The following TCN2 variants were observed in gnomAD, a reference collection of about 807,000 sequenced individuals.
TCN2 encodes transcobalamin-2.
TCN2 carries 34 observed loss-of-function variants against 48.6 expected under a neutral mutation model. The ratio of observed to expected loss-of-function variants is 0.70; its 90% confidence interval spans 0.53 to 0.93. TCN2 has a LOEUF of 0.93. TCN2 is among the 40% of genes least tolerant of loss of function. TCN2 has a pLI of 0.00. For missense variants in TCN2, 652 were observed against 526.1 expected (o/e 1.24, Z -2.34); for synonymous variants, 283 against 212.5 (o/e 1.33, Z -2.89).
Position 30,626,531 on chromosome 22 carries a change from TCCC to T in TCN2, c.*11_*13del. 1 of 1,613,868 alleles carries T rather than the reference TCCC, an allele frequency of 6.2e-7. No homozygotes were observed. Among genetic ancestry groups the T allele is most frequent in the Non-Finnish European group, 8.5e-7 (1 of 1,179,950 alleles). On this transcript the variant is annotated 3_prime_UTR_variant, in exon 9 of 9. Transcript: ENST00000215838. ...GCTGGTTAGCTGGTAGCCCCTGAGC[TCCC>T]TCATCCCAGCAGCCTCGCACACTCC...
chr22:30,615,746 C>A lies in TCN2; in HGVS notation c.899C>A (p.Thr300Asn). Residue 300 changes from threonine to asparagine, a missense_variant, in exon 6 of 9, where the codon ACC (threonine) becomes AAC (asparagine). Coordinates refer to ENST00000215838, the MANE Select transcript of TCN2 (RefSeq NM_000355.4). ...SQLLPVLNHK[T>N]YIDLIFPDCL... ...CTGCTGCCCGTTCTGAACCACAAGA[C>A]CTACATTGATCTGATCTTCCCAGAC... 2 of 1,614,214 alleles carry A rather than the reference C, an allele frequency of 1.2e-6. No individual in the cohort carries two copies. The highest frequency in any genetic ancestry group is 1.7e-6 in the Non-Finnish European group (2 of 1,180,048).
chr22:30,617,118 G>T (rs1179612925), intron 6 of TCN2, among the ~76,000 whole-genome samples: 1 of 151,328 alleles, frequency 6.6e-6, no homozygotes, highest in Non-Finnish European at 1.5e-5. Context: ...AGGGACAGGG[G>T]AGGCCGGGAT....
At position 30,626,605 on chromosome 22, in the gene TCN2, C is replaced by A. The variant is rs1385676834; in HGVS notation, c.*84C>A. ...CTGATGTCCCTGGAACAGGAACTCG[C>A]CTGACCCTGCTGCCACCTCCTGTGC... On this transcript the variant is annotated 3_prime_UTR_variant, in exon 9 of 9. Coordinates refer to ENST00000215838, the MANE Select transcript of TCN2 (RefSeq NM_000355.4). 1.3e-5 allele frequency: 19 copies of A among 1,474,386 alleles called. No individual in the cohort carries two copies. Among genetic ancestry groups the A allele is most frequent in the Middle Eastern group, 2.2e-4 (1 of 4,546 alleles). The allele number at this position is 1,474,386 out of a possible 1,614,324, so 91.3% of individuals were successfully genotyped here.
At position 30,615,305 on chromosome 22, in the gene TCN2, A is replaced by G. The variant is rs1429024693; in HGVS notation, c.585A>G (p.Thr195=). ...PFHQGHHSVD[T]AAMAGLAFTC... is the part of the protein sequence containing the mutation. ...TGTTCTGTCCCCCACTTCAAGACAC[A>G]GCAGCCATGGCAGGCTTGGCATTCA... The change falls in exon 5 of 9, where the codon ACA becomes ACG. Residue 195 remains threonine (T), a synonymous_variant. Coordinates refer to ENST00000215838, the MANE Select transcript of TCN2 (RefSeq NM_000355.4). 2.5e-6 allele frequency: 4 copies of G among 1,614,066 alleles called. No homozygotes were observed. Among genetic ancestry groups the G allele is most frequent in the Non-Finnish European group, 3.4e-6 (4 of 1,180,040 alleles).
chr22:30,622,834 GT>G, intron 7 of TCN2, 133 bp from the exon 8 acceptor site: 1 of 863,986 alleles, frequency 1.2e-6, no homozygotes, highest in South Asian at 1.4e-5. Context: ...CTGTGGCCAG[GT>G]GGCCTGGGAA....
At chr22:30,611,205 A>G (rs139048626) in intron 2 of TCN2, 142 bp downstream of exon 2, 189 of 995,074 alleles carry the variant, frequency 1.9e-4, no homozygotes, top group Middle Eastern at 6.2e-4. Context: ...ACCTTTGTCC[A>G]TCTATAGAAT....
rs753858269 is a variant in TCN2, at chr22:30,613,055, C to A, written c.427+13C>A. The A allele has an allele frequency of 6.2e-7, 1 of 1,613,512 alleles. No individual in the cohort carries two copies. The highest frequency in any genetic ancestry group is 2.2e-5 in the East Asian group (1 of 44,858). The stretch of plus-strand genomic sequence containing the variant: ...AAGAGAGCCATTGGTGAGCAGACAC[C>A]ATCCGCTGGGGGTGGGGAGCAGCTG... On this transcript the variant is annotated intron_variant, in intron 3 of 8. Transcript: ENST00000215838.
Position 30,627,094 on chromosome 22 carries a change from C to T in TCN2, c.*573C>T, listed in dbSNP as rs1569049275. On this transcript the variant is annotated 3_prime_UTR_variant, in exon 9 of 9. Coordinates refer to ENST00000215838, the MANE Select transcript of TCN2 (RefSeq NM_000355.4). ...CCTGGTGCCTCATACTCCTCAGGTG[C>T]AGGGGCAGGGACAAGAGAAGGGGGA... 5.9e-6 allele frequency: 1 copy of T among 170,414 alleles called. No homozygotes were observed. The allele number at this position is 170,414 out of a possible 1,614,324, so 10.6% of individuals were successfully genotyped here. A position where few individuals can be genotyped will look rare whatever the true frequency, so the allele number is the denominator to read the frequency against.
At position 30,607,208 on chromosome 22, in the gene TCN2, T is replaced by C; in HGVS notation, c.-124T>C. ...GCCGTGCATTGCAGGCATGGAGGAT[T>C]AATCAGTGACAGGAAGCTGCGTCTC... On this transcript the variant is annotated 5_prime_UTR_variant, in exon 1 of 9. An upstream open reading frame in the 5' UTR loses its in-frame stop. Coordinates refer to ENST00000215838, the MANE Select transcript of TCN2 (RefSeq NM_000355.4). 9.4e-7 allele frequency: 1 copy of C among 1,059,316 alleles called. No individual in the cohort carries two copies. Among genetic ancestry groups the C allele is most frequent in the Admixed American group, 1.7e-5 (1 of 59,034 alleles). The allele number at this position is 1,059,316 out of a possible 1,614,324, so 65.6% of individuals were successfully genotyped here.
intron 4 of TCN2, among the ~76,000 whole-genome samples, chr22:30,614,725 G>T (rs1021440919): frequency 2.6e-5 from 4 of 152,060 alleles, no homozygotes; most frequent in African/African-American, 9.7e-5. Flanking sequence ...TCAAGACAAC[G>T]TGGTGAAACC....
chr22:30,610,445 G>T (rs1294083936), intron 1 of TCN2: 1 of 378,002 alleles, frequency 2.6e-6, no homozygotes, highest in Non-Finnish European at 5.2e-6. Flanking sequence ...TGGCTCTGCA[G>T]CCTTGTGTAA....
chr22:30,623,825 C>CATATAT (rs869188373), intron 8 of TCN2, among the ~76,000 whole-genome samples: 6 of 15,966 alleles, frequency 3.8e-4, no homozygotes, highest in South Asian at 9.4e-4. Flanking sequence ...CACACACATA[C>CATATAT]ACACACATAT....
intron 8 of TCN2, 94 bp downstream of exon 8, chr22:30,623,177 C>G (rs1232023583): frequency 4.1e-6 from 5 of 1,209,676 alleles, no homozygotes; most frequent in Non-Finnish European, 6.1e-6. Context: ...CCCTAGCACC[C>G]TCCTGGGCCA....
chr22:30,624,305 C>G (rs920728611), intron 8 of TCN2, among the ~76,000 whole-genome samples: 1 of 151,848 alleles, frequency 6.6e-6, no homozygotes, highest in Non-Finnish European at 1.5e-5. Context: ...AACTCCTGAC[C>G]TCAAGTGATC....
chr22:30,624,744 A>G (rs1197213645), intron 8 of TCN2, among the ~76,000 whole-genome samples: 1 of 152,086 alleles, frequency 6.6e-6, no homozygotes. Flanking sequence ...CTCCCAGGAG[A>G]AAAATAGCGC....
intron 8 of TCN2, among the ~76,000 whole-genome samples, chr22:30,623,919 T>TATATATGTATACATATATACACACAC (rs1569046850): frequency 0.16 from 1,947 of 11,922 alleles, 603 homozygotes; most frequent in Middle Eastern, 0.31. Context: ...TATACACACA[T>TATATATGTATACATATATACACACAC]ATATATGTAT....
Position 30,626,720 on chromosome 22 carries a change from T to C in TCN2, c.*199T>C, listed in dbSNP as rs1372665512. ...CCACCTTGGAGCAGAGAGCCAAGCATCTTCCCTGGGAAGTCTTTCTGGCCA... is the reference window on the plus strand; with the variant it reads ...CCACCTTGGAGCAGAGAGCCAAGCACCTTCCCTGGGAAGTCTTTCTGGCCA... On this transcript the variant is annotated 3_prime_UTR_variant, in exon 9 of 9. Transcript: ENST00000215838. 1.1e-5 allele frequency: 7 copies of C among 652,934 alleles called. No individual in the cohort carries two copies. Among genetic ancestry groups the C allele is most frequent in the Non-Finnish European group, 1.9e-5 (7 of 368,046 alleles). 40.4% of individuals were successfully genotyped at this position (652,934 alleles called of 1,614,324 possible). A position where few individuals can be genotyped will look rare whatever the true frequency, so the allele number is the denominator to read the frequency against.
chr22:30,623,965 C>CATATAT (rs2087758551), intron 8 of TCN2, among the ~76,000 whole-genome samples: 534 of 18,556 alleles, frequency 0.029, 190 homozygotes, highest in Non-Finnish European at 0.04. Flanking sequence ...TACATATATA[C>CATATAT]ACACACATAT....
intron 2 of TCN2, among the ~76,000 whole-genome samples, chr22:30,612,464 C>T (rs1237631649): frequency 6.6e-6 from 1 of 152,056 alleles, no homozygotes. Context: ...GCAGAAGAAT[C>T]GCTTGAACTC....
Sources: allele counts gnomAD v4.1 joint callset (sites outside exome capture counted in the v4.1 genomes callset), GRCh38; gene constraint gnomAD v4.1.1; transcripts MANE v1.5; gene names NCBI Gene and HGNC (gene_info 2026-07-23, HGNC 2026-07-21).